The following INVS variants were observed in gnomAD, a reference collection of about 807,000 sequenced individuals.
The protein encoded by INVS is inversin.
A neutral mutation model predicts 108.8 loss-of-function variants in INVS; 86 were observed. The ratio of observed to expected loss-of-function variants is 0.79; its 90% CI spans 0.66 to 0.95. The LOEUF (loss-of-function observed/expected upper bound fraction) is 0.95. INVS is among the 40% of genes least tolerant of loss of function. The pLI, the probability that INVS is intolerant of heterozygous loss-of-function variation, is 0.00. For missense variants in INVS, 1,169 were observed against 1,297.4 expected, an observed-to-expected ratio of 0.90 and a Z score of 1.52; for synonymous variants, 455 against 473.5, an observed-to-expected ratio of 0.96 and a Z score of 0.51.
chr9:100,283,297 C>T (rs964203610), intron 12 of INVS, among the ~76,000 whole-genome samples: 5 of 152,084 alleles, frequency 3.3e-5, no homozygotes, highest in Admixed American at 6.5e-5. Context: ...GGTAAAAGAC[C>T]GTGTCTTTAA....
chr9:100,169,697 C>G (rs905911223), intron 3 of INVS, among the ~76,000 whole-genome samples: 1 of 152,110 alleles, frequency 6.6e-6, no homozygotes, highest in Middle Eastern at 3.2e-3. Context: ...TACAGTATAT[C>G]TTTATGAAAG....
intron 5 of INVS, among the ~76,000 whole-genome samples, chr9:100,233,340 C>T (rs1424036217): frequency 1.3e-5 from 2 of 152,102 alleles, no homozygotes; most frequent in African/African-American, 4.8e-5. Flanking sequence ...GACTTCCTCT[C>T]TTCCTGTTTG....
At chr9:100,214,101 C>G (rs1446026470) in intron 3 of INVS, among the ~76,000 whole-genome samples, 6 of 152,294 alleles carry the variant, frequency 3.9e-5, no homozygotes, top group Non-Finnish European at 7.4e-5. Flanking sequence ...ACTTACTTAA[C>G]AAGACTCCAA....
At chr9:100,174,186 T>G (rs1829635663) in intron 3 of INVS, among the ~76,000 whole-genome samples, 1 of 152,222 alleles carries the variant, frequency 6.6e-6, no homozygotes. Flanking sequence ...AAAGCAGGTC[T>G]TTTAACTCTG....
At chr9:100,179,292 T>A (rs1321629197) in intron 3 of INVS, among the ~76,000 whole-genome samples, 6 of 152,176 alleles carry the variant, frequency 3.9e-5, no homozygotes, top group African/African-American at 1.4e-4. Flanking sequence ...ATAACGATAT[T>A]AACCTTAAAT....
intron 3 of INVS, among the ~76,000 whole-genome samples, chr9:100,154,331 A>ATTTTTTTTTTTTTTGTTTTTTTTTT (rs1828899719): frequency 1.5e-5 from 1 of 68,580 alleles, no homozygotes; most frequent in African/African-American, 7.7e-5. Context: ...CAACCGACTA[A>ATTTTTTTTTTTTTTGTTTTTTTTTT]TTTTTTTTTT....
At position 100,292,402 on chromosome 9, in the gene INVS, G is replaced by T; in HGVS notation, c.2145G>T (p.Arg715Ser). ...FRPNEGSDGS[R>S]HPGVPSVEKS... ...CCAATGAAGGCAGTGATGGAAGCAG[G>T]CATCCAGGAGTTCCCTCTGTTGAGA... is the stretch of plus-strand genomic sequence containing the variant. The change falls in exon 14 of 17, where the codon AGG (arginine) becomes AGT (serine). Residue 715 changes from arginine (R) to serine (S), a missense_variant. Physicochemically the swap from Arg to Ser is moderately radical, Grantham distance 110. Around this residue, in one of 3 missense-constraint regions of INVS, gnomAD observed 533 missense variants for 536.0 expected, o/e 0.99. Transcript: ENST00000262457. 6.2e-7 allele frequency: 1 copy of T among 1,614,180 alleles called. No individual in the cohort carries two copies. Among genetic ancestry groups the T allele is most frequent in the Non-Finnish European group, 8.5e-7 (1 of 1,180,034 alleles).
intron 3 of INVS, among the ~76,000 whole-genome samples, chr9:100,140,809 C>T (rs540972370): frequency 5.3e-5 from 8 of 151,896 alleles, no homozygotes; most frequent in Non-Finnish European, 1.0e-4. Context: ...TTAGGAGAAA[C>T]GTTCGTCATT....
chr9:100,247,114 A>C, intron 8 of INVS, among the ~76,000 whole-genome samples: 1 of 151,944 alleles, frequency 6.6e-6, no homozygotes, highest in South Asian at 2.1e-4. Flanking sequence ...CTTTAAAACT[A>C]TCCATATTTA....
chr9:100,250,041 G>T (rs1832177934), intron 8 of INVS, among the ~76,000 whole-genome samples: 1 of 151,816 alleles, frequency 6.6e-6, no homozygotes, highest in East Asian at 2.0e-4. Context: ...GGAGGTGGAG[G>T]TTGCAGTGAC....
chr9:100,264,931 A>T lies in INVS; in HGVS notation c.1571+3A>T. On this transcript the variant is annotated splice_donor_region_variant and intron_variant, in intron 11 of 16. Coordinates refer to ENST00000262457, the MANE Select transcript of INVS (RefSeq NM_014425.5). The stretch of plus-strand genomic sequence containing the variant: ...CAGATGGAAAACAATGAAGAGAGGT[A>T]AGTTGTTGTTGACTTTTTTTTTTTT... 6.3e-7 allele frequency: 1 copy of T among 1,585,630 alleles called. No homozygotes were observed. The highest frequency in any genetic ancestry group is 2.2e-5 in the East Asian group (1 of 44,698).
In INVS at chr9:100,301,671, C is replaced by A. The variant is rs560811756; in HGVS notation, c.*997C>A. Among the ~76,000 whole-genome samples the A allele has an allele frequency of 1.3e-5, 2 of 152,288 alleles. No homozygotes were observed. The highest frequency in any genetic ancestry group is 4.1e-4 in the South Asian group (2 of 4,830). ...TGAGAATATTGACAGTAGGCATAAA[C>A]AGTGATATATTTTACTCACAGGTAT... On this transcript the variant is annotated 3_prime_UTR_variant, in exon 17 of 17. Coordinates refer to ENST00000262457, the MANE Select transcript of INVS (RefSeq NM_014425.5).
rs1833667718 is a variant in INVS, at chr9:100,292,850, T to A, written c.2593T>A (p.Ser865Thr). ...GTCAGGAGCTAGGAGGCTGGAGACA[T>A]CTACCCTGTCCGAGGACTTTCAGGT... ...LRSGARRLET[S>T]TLSEDFQVSK... Residue 865 changes from serine to threonine, a missense_variant, in exon 14 of 17, where the codon TCT becomes ACT. By Grantham distance (58) the Ser-to-Thr change is moderately conservative (BLOSUM62 1). Transcript: ENST00000262457. 4 of 1,614,162 alleles carry A rather than the reference T, an allele frequency of 2.5e-6. No individual in the cohort carries two copies. Among genetic ancestry groups the A allele is most frequent in the Admixed American group, 1.7e-5 (1 of 60,020 alleles).
intron 3 of INVS, among the ~76,000 whole-genome samples, chr9:100,204,229 G>T (rs192073767): frequency 2.4e-4 from 36 of 152,266 alleles, no homozygotes; most frequent in Admixed American, 2.0e-4. Flanking sequence ...ACTAGTTAGA[G>T]CCAGGACTAA....
chr9:100,169,553 A>G (rs563362603), intron 3 of INVS, among the ~76,000 whole-genome samples: 37 of 152,358 alleles, frequency 2.4e-4, no homozygotes, highest in African/African-American at 8.4e-4. Context: ...TAAAAAAAGT[A>G]TAAACTTCTT....
At chr9:100,290,893 A>G (rs1252008021) in intron 13 of INVS, among the ~76,000 whole-genome samples, 1 of 151,456 alleles carries the variant, frequency 6.6e-6, no homozygotes, top group Non-Finnish European at 1.5e-5. Flanking sequence ...TTTTTGTTTT[A>G]TTTTTAGAAA....
At chr9:100,239,699 A>C (rs967936610) in intron 5 of INVS, among the ~76,000 whole-genome samples, 3 of 152,196 alleles carry the variant, frequency 2.0e-5, no homozygotes, top group Non-Finnish European at 4.4e-5. Context: ...CAGGCTGGGC[A>C]CAGTGACTCA....
At position 100,105,850 on chromosome 9, in the gene INVS, C is replaced by CTTTTTTTTTTT. The variant is rs543070811; in HGVS notation, c.106+1238_106+1248dup. 9.4e-4 allele frequency among the ~76,000 whole-genome samples: 60 copies of CTTTTTTTTTTT among 63,820 alleles called. 1 individual carries two copies. The highest frequency in any genetic ancestry group is 2.3e-3 in the East Asian group (3 of 1,326). 41.9% of individuals were successfully genotyped at this position (63,820 alleles called of 152,430 possible). On this transcript the variant is annotated intron_variant, in intron 2 of 16. Transcript: ENST00000262457. The stretch of plus-strand genomic sequence containing the variant: ...AAAATCCTTCTCTTGGAAAAATTCC[C>CTTTTTTTTTTT]TTTTTTTTTTTTTTTTTTTTTTTTT...
chr9:100,224,909 C>T (rs1831264020), intron 3 of INVS, among the ~76,000 whole-genome samples: 4 of 151,798 alleles, frequency 2.6e-5, no homozygotes, highest in African/African-American at 7.3e-5. Context: ...CCACCGCACC[C>T]GGCCTGCTTC....
Sources: allele counts gnomAD v4.1 joint callset (sites outside exome capture counted in the v4.1 genomes callset), GRCh38; gene constraint gnomAD v4.1.1; regional missense constraint gnomAD v4.1.1; transcripts MANE v1.5; gene names NCBI Gene and HGNC (gene_info 2026-07-23, HGNC 2026-07-21).